GLP1R: variants seen among roughly 807,000 people sequenced by gnomAD.
GLP1R encodes glucagon like peptide 1 receptor.
Under a neutral mutation model 68.4 loss-of-function variants are expected in GLP1R, and 32 were observed. That is an observed-to-expected ratio of 0.47 (90% confidence interval 0.35 to 0.63). The LOEUF (loss-of-function observed/expected upper bound fraction) is 0.63, where lower values mean the gene tolerates loss of function less well. Ranked by LOEUF, GLP1R falls within the 20% of genes least tolerant of loss-of-function variation. The pLI is 0.00. For missense variants in GLP1R, 502 were observed against 594.9 expected (o/e 0.84, Z 1.62); for synonymous variants, 263 against 244.4 (o/e 1.08, Z -0.71).
At position 39,079,200 on chromosome 6, in the gene GLP1R, G is replaced by A. The variant is rs1562017482; in HGVS notation, c.1043G>A (p.Arg348Lys). The A allele has an allele frequency of 1.9e-6, 3 of 1,601,468 alleles. No individual in the cohort carries two copies. The highest frequency in any genetic ancestry group is 1.3e-5 in the African/African-American group (1 of 74,784). Residue 348 changes from arginine to lysine, a missense_variant and splice_region_variant, in exon 10 of 13, where the codon AGA becomes AAA. Transcript: ENST00000373256. The surrounding 1 kb of genome is among the most constrained non-coding windows in gnomAD (Gnocchi z 4.5). ...NLMCKTDIKC[R>K]LAKSTLTLIP... ...ATGTGCAAGACAGACATCAAATGCA[G>A]GTGATGTAACTGAGCTGGCTTTACT...
intron 2 of GLP1R, among the ~76,000 whole-genome samples, chr6:39,057,161 C>T (rs768198835): frequency 1.1e-4 from 16 of 152,198 alleles, no homozygotes; most frequent in Non-Finnish European, 1.8e-4. Context: ...TTTCATTGAG[C>T]ACGTACTATG....
At position 39,086,416 on chromosome 6, in the gene GLP1R, A is replaced by C; in HGVS notation, c.*343A>C. The C allele has an allele frequency of 4.6e-6, 1 of 215,728 alleles. No homozygotes were observed. The highest frequency in any genetic ancestry group is 9.2e-6 in the Non-Finnish European group (1 of 108,764). 13.4% of individuals were successfully genotyped at this position (215,728 alleles called of 1,614,324 possible). A position where few individuals can be genotyped will look rare whatever the true frequency, so the allele number is the denominator to read the frequency against. ...TTCCCCCAGACAGAGCCGCAAATCA[A>C]CCCCAGACTCAAACTCAAGGTCAAC... On this transcript the variant is annotated 3_prime_UTR_variant, in exon 13 of 13. Transcript: ENST00000373256. The surrounding 1 kb of genome is among the most constrained non-coding windows in gnomAD (Gnocchi z 4.5).
rs1294675000 is a variant in GLP1R at position 39,089,651 on chromosome 6, T to C, written c.*3578T>C. Among the ~76,000 whole-genome samples the C allele has an allele frequency of 6.6e-6, 1 of 152,136 alleles. No homozygotes were observed. Among genetic ancestry groups the C allele is most frequent in the Non-Finnish European group, 1.5e-5 (1 of 68,014 alleles). ...GTATGTGTGTGCATGTGTGTGTGCA[T>C]GTTTCTTCTGTGCATAGCAGCATAA... On this transcript the variant is annotated 3_prime_UTR_variant, in exon 13 of 13. Transcript: ENST00000373256. This position sits in a 1 kb window ranked among gnomAD's most constrained non-coding sequence, Gnocchi z 4.1.
At chr6:39,061,173 G>A (rs1768348221) in intron 3 of GLP1R, among the ~76,000 whole-genome samples, 2 of 152,230 alleles carry the variant, frequency 1.3e-5, no homozygotes, top group Admixed American at 6.5e-5. Context: ...CCCTCTAATT[G>A]AGAACTTGGG....
chr6:39,054,881 G>T (rs765315678), intron 1 of GLP1R, among the ~76,000 whole-genome samples: 7 of 152,250 alleles, frequency 4.6e-5, no homozygotes, highest in Admixed American at 2.0e-4. Context: ...ACCAGGACTT[G>T]CTCTGATGAA....
chr6:39,056,376 C>A, intron 1 of GLP1R, 21 bp from the exon 2 acceptor site: 1 of 1,339,504 alleles, frequency 7.5e-7, no homozygotes, highest in Non-Finnish European at 1.1e-6. Flanking sequence ...CACAGGCCTC[C>A]CATATATGCC....
chr6:39,049,685 A>C lies in GLP1R; in HGVS notation c.78+767A>C, dbSNP rs1451741863. Among the ~76,000 whole-genome samples, 1 of 152,146 alleles carries C rather than the reference A, an allele frequency of 6.6e-6. No homozygotes were observed. Among genetic ancestry groups the C allele is most frequent in the Non-Finnish European group, 1.5e-5 (1 of 68,012 alleles). ...CAAGAGAAGGCATACTGGGACACGC[A>C]AGAACACCTGGGCTCCTTGGTGCCA... On this transcript the variant is annotated intron_variant, in intron 1 of 12. Transcript: ENST00000373256. This position sits in a 1 kb window ranked among gnomAD's most constrained non-coding sequence, Gnocchi z 4.5.
intron 3 of GLP1R, among the ~76,000 whole-genome samples, chr6:39,061,087 T>C (rs537263683): frequency 1.3e-5 from 2 of 152,316 alleles, no homozygotes; most frequent in South Asian, 2.1e-4. Flanking sequence ...GGCAGCACCC[T>C]GGACATGGGG....
chr6:39,082,871 A>C (rs1583652338), intron 12 of GLP1R, among the ~76,000 whole-genome samples: 1 of 150,888 alleles, frequency 6.6e-6, no homozygotes, highest in Non-Finnish European at 1.5e-5. Context: ...CCCGTTTCTC[A>C]CTTCTCTATC....
intron 5 of GLP1R, among the ~76,000 whole-genome samples, chr6:39,067,934 T>G (rs1027774453): frequency 6.6e-6 from 1 of 152,220 alleles, no homozygotes. Flanking sequence ...AGGACAGACA[T>G]TCCCATTTCA....
In GLP1R at chr6:39,089,848, G is replaced by C. The variant is rs1382517293; in HGVS notation, c.*3775G>C. Among the ~76,000 whole-genome samples, 2 of 152,258 alleles carry C rather than the reference G, an allele frequency of 1.3e-5. No individual in the cohort carries two copies. Among genetic ancestry groups the C allele is most frequent in the African/African-American group, 2.4e-5 (1 of 41,532 alleles). On this transcript the variant is annotated 3_prime_UTR_variant, in exon 13 of 13. Coordinates refer to ENST00000373256, the MANE Select transcript of GLP1R (RefSeq NM_002062.5). The surrounding 1 kb of genome is among the most constrained non-coding windows in gnomAD (Gnocchi z 4.1). ...AGGGAAGGCAAAATCTATTCCAAAG[G>C]TTTATTTTCCCTCTGTTGAATTGAT...
intron 5 of GLP1R, among the ~76,000 whole-genome samples, chr6:39,067,134 C>T (rs897839364): frequency 1.3e-5 from 2 of 152,172 alleles, no homozygotes; most frequent in African/African-American, 2.4e-5. Context: ...GATCCCATCC[C>T]TCTCCCTGCC....
chr6:39,071,439 G>A (rs918785463), intron 5 of GLP1R, among the ~76,000 whole-genome samples: 3 of 151,328 alleles, frequency 2.0e-5, no homozygotes, highest in African/African-American at 7.3e-5. Flanking sequence ...TTTTCTGTAA[G>A]TTTCAGAGTT....
chr6:39,078,881 G>T lies in GLP1R; in HGVS notation c.885-76G>T, dbSNP rs965002297. 8.8e-6 allele frequency: 11 copies of T among 1,247,968 alleles called. No individual in the cohort carries two copies. The African/African-American group carries it at 1.3e-4, about 15-fold the overall frequency. The allele number at this position is 1,247,968 out of a possible 1,614,324, so 77.3% of individuals were successfully genotyped here. A position where few individuals can be genotyped will look rare whatever the true frequency, so the allele number is the denominator to read the frequency against. On this transcript the variant is annotated intron_variant, in intron 8 of 12. Transcript: ENST00000373256. ...CTCAACATGGCCATGTGCATTGGCG[G>T]CCTCTGTGCCTGCACCTGAGCTGGG...
intron 1 of GLP1R, among the ~76,000 whole-genome samples, chr6:39,053,881 A>G (rs2268655): frequency 0.022 from 3,363 of 152,034 alleles, 158 homozygotes; most frequent in East Asian, 0.19. Context: ...CCCAGGGCCC[A>G]CCACCACTCT....
At chr6:39,056,170 C>G (rs1353673428) in intron 1 of GLP1R, among the ~76,000 whole-genome samples, 1 of 152,194 alleles carries the variant, frequency 6.6e-6, no homozygotes, top group Non-Finnish European at 1.5e-5. Context: ...GTGCTCGTGA[C>G]ACATCAAGCT....
At chr6:39,050,338 G>A (rs574923503) in intron 1 of GLP1R, among the ~76,000 whole-genome samples, 2 of 152,288 alleles carry the variant, frequency 1.3e-5, no homozygotes, top group African/African-American at 4.8e-5. Flanking sequence ...TCTGCTTCCT[G>A]GTTCCATCCT....
intron 7 of GLP1R, among the ~76,000 whole-genome samples, chr6:39,074,968 C>T (rs569976320): frequency 7.2e-5 from 11 of 152,230 alleles, no homozygotes; most frequent in African/African-American, 2.6e-4. Flanking sequence ...GAAGAGTAGC[C>T]TGAGAGATTT....
At chr6:39,076,813 G>A (rs2268643) in intron 7 of GLP1R, among the ~76,000 whole-genome samples, 47,146 of 152,056 alleles carry the variant, frequency 0.31, 7,935 homozygotes, top group Non-Finnish European at 0.38. Context: ...CATTGAGGGC[G>A]GTGGGAGTGG....
Sources: allele counts gnomAD v4.1 joint callset (sites outside exome capture counted in the v4.1 genomes callset), GRCh38; gene constraint gnomAD v4.1.1; non-coding constraint Gnocchi (gnomAD v3.1); transcripts MANE v1.5; gene names NCBI Gene and HGNC (gene_info 2026-07-23, HGNC 2026-07-21).